ARHGEF12: variants seen among roughly 807,000 people sequenced by gnomAD.
ARHGEF12 encodes KMT2A/ARHGEF12 fusion protein.
In ARHGEF12, 66 loss-of-function variants were observed where a neutral mutation model predicts 211.2. The ratio of observed to expected loss-of-function variants is 0.31; its 90% confidence interval spans 0.26 to 0.38. The LOEUF is 0.38. Among genes scored for constraint, ARHGEF12 ranks in the 10% least tolerant of loss-of-function variants. ARHGEF12 has a pLI of 1.00. For missense variants in ARHGEF12, 1,429 were observed against 1,869.5 expected, an observed-to-expected ratio of 0.76 and a Z score of 4.34; for synonymous variants, 592 against 638.4, an observed-to-expected ratio of 0.93 and a Z score of 1.09.
chr11:120,351,451 ATATATT>A (rs1942963596), intron 1 of ARHGEF12, among the ~76,000 whole-genome samples: 1 of 3,494 alleles, frequency 2.9e-4, no homozygotes, highest in Non-Finnish European at 4.3e-4. Context: ...ATATATATAT[ATATATT>A]TTTTTTTTTT....
At chr11:120,461,161 A>G (rs1027838176) in intron 27 of ARHGEF12, among the ~76,000 whole-genome samples, 1 of 152,238 alleles carries the variant, frequency 6.6e-6, no homozygotes, top group African/African-American at 2.4e-5. Flanking sequence ...GGCATCTAGA[A>G]TAATGAATCC....
chr11:120,416,194 A>G (rs922805223), intron 4 of ARHGEF12, among the ~76,000 whole-genome samples: 68 of 152,148 alleles, frequency 4.5e-4, no homozygotes, highest in African/African-American at 1.5e-3. Flanking sequence ...TTTCTCTCCG[A>G]TGACCTCCCT....
At chr11:120,369,579 G>A (rs756256317) in intron 1 of ARHGEF12, among the ~76,000 whole-genome samples, 2 of 152,192 alleles carry the variant, frequency 1.3e-5, no homozygotes, top group Non-Finnish European at 2.9e-5. Context: ...TCATTTTATA[G>A]ATACTAATCG....
chr11:120,489,166 A>T lies in ARHGEF12; in HGVS notation c.*4089A>T. The T allele has an allele frequency of 4.4e-6, 1 of 227,422 alleles. No individual in the cohort carries two copies. The highest frequency in any genetic ancestry group is 8.8e-6 in the Non-Finnish European group (1 of 114,222). 14.1% of individuals were successfully genotyped at this position (227,422 alleles called of 1,614,324 possible). On this transcript the variant is annotated 3_prime_UTR_variant, in exon 41 of 41. Coordinates refer to ENST00000397843, the MANE Select transcript of ARHGEF12 (RefSeq NM_015313.3). ...CAGACATCTTCCTGCTTATTAGAGC[A>T]TCCCTAGCAACAAGGCTAAACCTTC... is the stretch of plus-strand genomic sequence containing the variant.
At chr11:120,358,672 C>A (rs1943197004) in intron 1 of ARHGEF12, among the ~76,000 whole-genome samples, 1 of 152,128 alleles carries the variant, frequency 6.6e-6, no homozygotes, top group Non-Finnish European at 1.5e-5. Flanking sequence ...GTGACACTAG[C>A]CACATTTCAA....
intron 2 of ARHGEF12, among the ~76,000 whole-genome samples, chr11:120,407,469 C>CA (rs1049546947): frequency 3.3e-5 from 5 of 151,344 alleles, no homozygotes; most frequent in South Asian, 2.1e-4. Flanking sequence ...GAAAACCACA[C>CA]AAAAAAAATG....
chr11:120,340,386 G>A (rs995719104), intron 1 of ARHGEF12, among the ~76,000 whole-genome samples: 1 of 152,124 alleles, frequency 6.6e-6, no homozygotes, highest in African/African-American at 2.4e-5. Context: ...CTTTTGTTTT[G>A]GCTAGGGCTT....
intron 4 of ARHGEF12, chr11:120,410,278 G>A (rs921150519): frequency 2.8e-5 from 4 of 140,454 alleles, no homozygotes; most frequent in Admixed American, 2.3e-4. Flanking sequence ...AGTCTGATTA[G>A]GGTTTTGTTT....
In ARHGEF12 at chr11:120,478,218, A is replaced by G. The variant is rs1244849823; in HGVS notation, c.3595A>G (p.Thr1199Ala). The G allele has an allele frequency of 1.2e-6, 2 of 1,614,140 alleles. No individual in the cohort carries two copies. The highest frequency in any genetic ancestry group is 2.2e-5 in the South Asian group (2 of 91,076). ...AAAACCTCAGTCTCATTCACTGAGT[A>G]CCTCTGGGAAATCAGAGGTACGTGA... ...SSKPQSHSLS[T>A]SGKSEVRDLF... is the part of the protein sequence containing the mutation. The change falls in exon 37 of 41, where the codon ACC (threonine) becomes GCC (alanine). Residue 1199 changes from threonine (T) to alanine (A), a missense_variant. By Grantham distance (58) the Thr-to-Ala change is moderately conservative. This residue lies in a region of ARHGEF12 where 467 missense variants were observed against 468.4 expected (regional missense o/e 1.00). Coordinates refer to ENST00000397843, the MANE Select transcript of ARHGEF12 (RefSeq NM_015313.3).
At chr11:120,448,157 G>C (rs2135824115) in intron 19 of ARHGEF12, 77 bp from the exon 20 acceptor site, 1 of 1,117,872 alleles carries the variant, frequency 8.9e-7, no homozygotes, top group East Asian at 2.4e-5. Flanking sequence ...TTGGGGTTTT[G>C]GAAATCATTT....
intron 22 of ARHGEF12, among the ~76,000 whole-genome samples, chr11:120,454,546 C>CA (rs1244501487): frequency 6.6e-6 from 1 of 151,802 alleles, no homozygotes; most frequent in Non-Finnish European, 1.5e-5. Flanking sequence ...TGGCTTAACA[C>CA]AAAAAAAATT....
intron 24 of ARHGEF12, 149 bp downstream of exon 24, chr11:120,457,905 T>G: frequency 8.8e-7 from 1 of 1,132,006 alleles, no homozygotes; most frequent in Non-Finnish European, 1.2e-6. Context: ...CACTGGTCAT[T>G]CAAAAGCTGT....
At chr11:120,359,597 A>T (rs1943224995) in intron 1 of ARHGEF12, among the ~76,000 whole-genome samples, 1 of 152,208 alleles carries the variant, frequency 6.6e-6, no homozygotes, top group African/African-American at 2.4e-5. Flanking sequence ...ATATCTGGGT[A>T]CAAATATCTA....
intron 22 of ARHGEF12, among the ~76,000 whole-genome samples, chr11:120,454,953 G>A (rs1946320638): frequency 6.6e-6 from 1 of 152,164 alleles, no homozygotes; most frequent in Non-Finnish European, 1.5e-5. Flanking sequence ...GGAGGAATTA[G>A]GCTCCACCCC....
intron 34 of ARHGEF12, 78 bp from the exon 35 acceptor site, chr11:120,477,141 G>T: frequency 8.7e-7 from 1 of 1,148,878 alleles, no homozygotes; most frequent in Non-Finnish European, 1.3e-6. Context: ...TTTTTGTTTA[G>T]TTTTGCTTTC....
At position 120,347,266 on chromosome 11, in the gene ARHGEF12, C is replaced by CTCTG. The variant is rs1426650315; in HGVS notation, c.32+9992_32+9993insCTGT. Among the ~76,000 whole-genome samples, 115 of 133,592 alleles carry CTCTG rather than the reference C, an allele frequency of 8.6e-4. 3 individuals carry two copies. The South Asian group carries it at 0.012, about 14-fold the overall frequency. The allele number at this position is 133,592 out of a possible 152,430, so 87.6% of individuals were successfully genotyped here. On this transcript the variant is annotated intron_variant, in intron 1 of 40. Transcript: ENST00000397843. ...TCTGTTTCTCTCTCTCTCTCTCTCT[C>CTCTG]TGTCTGTGTGTGTGTGTGTGTGTGT...
chr11:120,372,221 C>T (rs761004517), intron 1 of ARHGEF12, among the ~76,000 whole-genome samples: 1 of 152,128 alleles, frequency 6.6e-6, no homozygotes, highest in Non-Finnish European at 1.5e-5. Flanking sequence ...CTTCTAGTTA[C>T]AAATGAATCC....
At chr11:120,399,332 A>AAAAAAAAAAAAAAAAAAAAG in intron 1 of ARHGEF12, among the ~76,000 whole-genome samples, 1 of 139,128 alleles carries the variant, frequency 7.2e-6, no homozygotes, top group Non-Finnish European at 1.5e-5. Context: ...AAAAAAAAAA[A>AAAAAAAAAAAAAAAAAAAAG]AAAAAAAAAA....
chr11:120,461,147 TA>T (rs1178307353), intron 27 of ARHGEF12, among the ~76,000 whole-genome samples: 1 of 152,216 alleles, frequency 6.6e-6, no homozygotes, highest in African/African-American at 2.4e-5. Flanking sequence ...TGAATGTTCT[TA>T]ATGGCATCTA....
Sources: gnomAD v4.1 joint callset for allele counts (sites outside exome capture counted in the v4.1 genomes callset) on GRCh38, gnomAD v4.1.1 for gene constraint, gnomAD v4.1.1 regional missense constraint, MANE v1.5 for transcripts, NCBI Gene and HGNC (gene_info 2026-07-23, HGNC 2026-07-21) for gene names.